The following FGF12 variants were observed in gnomAD, a reference collection of about 807,000 sequenced individuals.
FGF12 encodes fibroblast growth factor 12B.
A neutral mutation model predicts 23.6 loss-of-function variants in FGF12; 14 were observed. The ratio of observed to expected loss-of-function variants is 0.59; its 90% CI spans 0.39 to 0.93. The LOEUF (loss-of-function observed/expected upper bound fraction) is 0.93, where lower values mean the gene tolerates loss of function less well. Ranked by LOEUF, FGF12 falls within the 40% of genes least tolerant of loss-of-function variation. FGF12 has a pLI of 0.00. For synonymous variants in FGF12, 62 were observed against 77.3 expected, an observed-to-expected ratio of 0.80 and a Z score of 1.04; for missense variants, 175 against 217.8, an observed-to-expected ratio of 0.80 and a Z score of 1.24.
intron 4 of FGF12, among the ~76,000 whole-genome samples, chr3:192,187,250 C>A (rs1289301712): frequency 6.6e-6 from 1 of 152,066 alleles, no homozygotes; most frequent in African/African-American, 2.4e-5. Context: ...CTAGAGTCGA[C>A]GAGTTTTAGT....
chr3:192,471,179 G>A (rs974469938), intron 2 of FGF12, among the ~76,000 whole-genome samples: 22 of 152,202 alleles, frequency 1.4e-4, no homozygotes, highest in Admixed American at 3.3e-4. Flanking sequence ...CATCATACTC[G>A]CTCAGGTTGC....
Position 192,242,841 on chromosome 3 carries a change from C to T in FGF12, c.229-72185G>A, listed in dbSNP as rs904106622. 3.9e-5 allele frequency among the ~76,000 whole-genome samples: 6 copies of T among 151,934 alleles called. No homozygotes were observed. The East Asian group carries it at 1.2e-3, about 29-fold the overall frequency. Reference sequence around the variant, plus strand: ...AGACAAAAATTAGTATTATTGTTTACAGGTGCAATTTAATTTTGCTGATAT... The same window carrying T: ...AGACAAAAATTAGTATTATTGTTTATAGGTGCAATTTAATTTTGCTGATAT... On this transcript the variant is annotated intron_variant, in intron 4 of 5. Coordinates refer to ENST00000445105, the MANE Select transcript of FGF12 (RefSeq NM_004113.6).
At chr3:192,262,889 G>A (rs560571895) in intron 4 of FGF12, among the ~76,000 whole-genome samples, 139 of 151,222 alleles carry the variant, frequency 9.2e-4, no homozygotes, top group African/African-American at 3.3e-3. Flanking sequence ...ACACACACAC[G>A]CATCCTGCAG....
At chr3:192,447,426 A>G (rs538736823) in intron 2 of FGF12, among the ~76,000 whole-genome samples, 1 of 152,348 alleles carries the variant, frequency 6.6e-6, no homozygotes, top group South Asian at 2.1e-4. Flanking sequence ...CTGATTATTA[A>G]AAGTGTTTAT....
chr3:192,245,727 T>C (rs1249265197), intron 4 of FGF12, among the ~76,000 whole-genome samples: 1 of 152,154 alleles, frequency 6.6e-6, no homozygotes, highest in Admixed American at 6.6e-5. Flanking sequence ...GTTAGAATAG[T>C]AGCCACAAAT....
At chr3:192,447,164 T>A (rs1212845701) in intron 2 of FGF12, among the ~76,000 whole-genome samples, 3 of 152,208 alleles carry the variant, frequency 2.0e-5, no homozygotes, top group Admixed American at 2.0e-4. Context: ...CACTCATTTG[T>A]TGCTGTGTTC....
chr3:192,353,336 C>T (rs1470023883), intron 3 of FGF12, among the ~76,000 whole-genome samples: 1 of 149,130 alleles, frequency 6.7e-6, no homozygotes, highest in Non-Finnish European at 1.5e-5. Context: ...TTTTGCTTTA[C>T]TGACCAGAAA....
At chr3:192,680,426 G>A (rs1284894456) in intron 2 of FGF12, among the ~76,000 whole-genome samples, 1 of 152,212 alleles carries the variant, frequency 6.6e-6, no homozygotes, top group Non-Finnish European at 1.5e-5. Flanking sequence ...AAAGCAGGTG[G>A]TGGTGGCCTT....
intron 2 of FGF12, among the ~76,000 whole-genome samples, chr3:192,567,386 G>A (rs955118650): frequency 2.0e-5 from 3 of 152,080 alleles, no homozygotes; most frequent in African/African-American, 7.2e-5. Context: ...AAGGGAAAGG[G>A]CTTTATTTTT....
intron 4 of FGF12, among the ~76,000 whole-genome samples, chr3:192,191,097 C>T (rs555635729): frequency 1.3e-5 from 2 of 152,278 alleles, no homozygotes; most frequent in East Asian, 3.9e-4. Flanking sequence ...TCTTTCCCAT[C>T]AGTACTTTTA....
chr3:192,627,371 T>C (rs899789640), intron 2 of FGF12, among the ~76,000 whole-genome samples: 1 of 152,086 alleles, frequency 6.6e-6, no homozygotes, highest in African/African-American at 2.4e-5. Flanking sequence ...GTTTTATTGC[T>C]ATCATAATAC....
At position 192,143,802 on chromosome 3, in the gene FGF12, A is replaced by G. The variant is rs371201544; in HGVS notation, c.*207T>C. The G allele has an allele frequency of 8.1e-6, 4 of 491,172 alleles. No homozygotes were observed. The highest frequency in any genetic ancestry group is 3.4e-5 in the East Asian group (1 of 29,766). 30.4% of individuals were successfully genotyped at this position (491,172 alleles called of 1,614,324 possible). The stretch of plus-strand genomic sequence containing the variant: ...AGTGTGCTAATCTTTGTGCACGTGA[A>G]TTTTCTACCACATTGCAACAAGCAA... On this transcript the variant is annotated 3_prime_UTR_variant, in exon 6 of 6. Transcript: ENST00000445105.
intron 2 of FGF12, among the ~76,000 whole-genome samples, chr3:192,473,957 T>G (rs1723243834): frequency 6.6e-6 from 1 of 152,248 alleles, no homozygotes; most frequent in Admixed American, 6.5e-5. Context: ...TACACTCACC[T>G]AGACTCATGC....
chr3:192,507,851 A>G (rs1169606358), intron 2 of FGF12, among the ~76,000 whole-genome samples: 2 of 152,196 alleles, frequency 1.3e-5, no homozygotes, highest in African/African-American at 4.8e-5. Flanking sequence ...TAAAAGGATC[A>G]TCATCATCAT....
At chr3:192,400,454 C>T (rs375796522) in intron 2 of FGF12, among the ~76,000 whole-genome samples, 13 of 149,702 alleles carry the variant, frequency 8.7e-5, no homozygotes, top group African/African-American at 2.5e-4. Flanking sequence ...TTGCAACTTC[C>T]GCCTCCCGGG....
chr3:192,633,520 CAAGTAATAGGATGTGGAGCCA>C (rs1715469321), intron 2 of FGF12, among the ~76,000 whole-genome samples: 1 of 152,092 alleles, frequency 6.6e-6, no homozygotes, highest in Non-Finnish European at 1.5e-5. Context: ...CCAAATCACA[CAAGTAATAGGATGTGGAGCCA>C]AGACCACAAC....
chr3:192,612,848 T>C (rs942613037), intron 2 of FGF12, among the ~76,000 whole-genome samples: 1 of 151,986 alleles, frequency 6.6e-6, no homozygotes, highest in Non-Finnish European at 1.5e-5. Context: ...ATACCCCCTG[T>C]TCCAAGAAAC....
chr3:192,202,720 C>T (rs9846951), intron 4 of FGF12, among the ~76,000 whole-genome samples: 7,303 of 152,160 alleles, frequency 0.048, 602 homozygotes, highest in African/African-American at 0.17. Context: ...CTCTGAACTA[C>T]GGGTTCTATC....
chr3:192,571,737 G>A (rs966775106), intron 2 of FGF12, among the ~76,000 whole-genome samples: 2 of 152,294 alleles, frequency 1.3e-5, no homozygotes, highest in East Asian at 1.9e-4. Context: ...GCAGCAACGC[G>A]AGCAACTTCC....
Sources: allele counts gnomAD v4.1 joint callset (sites outside exome capture counted in the v4.1 genomes callset), GRCh38; gene constraint gnomAD v4.1.1; transcripts MANE v1.5; gene names NCBI Gene and HGNC (gene_info 2026-07-23, HGNC 2026-07-21).